RIMS1: variants seen among roughly 807,000 people sequenced by gnomAD.
RIMS1 encodes regulating synaptic membrane exocytosis protein 1.
In RIMS1, 83 loss-of-function variants were observed where a neutral mutation model predicts 214.1. The ratio of observed to expected loss-of-function variants is 0.39; its 90% CI spans 0.32 to 0.47. RIMS1 has a LOEUF of 0.47. Ranked by LOEUF, RIMS1 falls within the 20% of genes least tolerant of loss-of-function variation. RIMS1 has a pLI of 0.99. For missense variants in RIMS1, 2,050 were observed against 2,161.8 expected (o/e 0.95, Z 1.03); for synonymous variants, 793 against 786.8 (o/e 1.01, Z -0.13).
intron 4 of RIMS1, among the ~76,000 whole-genome samples, chr6:72,151,529 A>G (rs746524694): frequency 2.4e-4 from 37 of 152,192 alleles, no homozygotes; most frequent in Non-Finnish European, 4.0e-4. Context: ...AAAAACTTGC[A>G]GTCCTTATTT....
chr6:72,171,836 C>T (rs2047077242), intron 4 of RIMS1, among the ~76,000 whole-genome samples: 1 of 152,060 alleles, frequency 6.6e-6, no homozygotes, highest in South Asian at 2.1e-4. Flanking sequence ...TCTTGTTATA[C>T]CTCAAAATAG....
chr6:72,056,961 C>T (rs518173), intron 2 of RIMS1, among the ~76,000 whole-genome samples: 118,966 of 152,058 alleles, frequency 0.78, 47,333 homozygotes, highest in African/African-American at 0.94. Context: ...ATTACTTTTC[C>T]AACACAAAGT....
intron 29 of RIMS1, among the ~76,000 whole-genome samples, chr6:72,389,531 C>T (rs2098668480): frequency 6.6e-6 from 1 of 152,040 alleles, no homozygotes; most frequent in South Asian, 2.1e-4. Flanking sequence ...TGCAGTGTTT[C>T]AAATGGCTTA....
chr6:72,066,104 T>C (rs1829234652), intron 2 of RIMS1, among the ~76,000 whole-genome samples: 1 of 152,178 alleles, frequency 6.6e-6, no homozygotes, highest in Non-Finnish European at 1.5e-5. Flanking sequence ...AAACTAAGTA[T>C]GTGGACAACC....
chr6:72,029,435 G>C (rs1244796497), intron 2 of RIMS1, among the ~76,000 whole-genome samples: 1 of 151,968 alleles, frequency 6.6e-6, no homozygotes, highest in Non-Finnish European at 1.5e-5. Context: ...GAGGAATTAG[G>C]GCCATTACAA....
chr6:72,145,825 A>G (rs1232324958), intron 4 of RIMS1, among the ~76,000 whole-genome samples: 4 of 152,146 alleles, frequency 2.6e-5, no homozygotes, highest in African/African-American at 7.2e-5. Context: ...AGTTTCTCCA[A>G]TTGCATCCTG....
intron 1 of RIMS1, among the ~76,000 whole-genome samples, chr6:71,892,849 C>T (rs542623427): frequency 6.6e-6 from 1 of 152,124 alleles, no homozygotes; most frequent in South Asian, 2.1e-4. Context: ...TTTAAAACTG[C>T]CGTAGTCAGA....
rs199518906 is a variant in RIMS1, at chr6:71,984,784, T to C, written c.245+15721T>C. Among the ~76,000 whole-genome samples, 605 of 90,424 alleles carry C rather than the reference T, an allele frequency of 6.7e-3. 7 individuals carry two copies. The highest frequency in any genetic ancestry group is 0.028 in the Admixed American group (276 of 9,908). The allele number at this position is 90,424 out of a possible 152,430, so 59.3% of individuals were successfully genotyped here. A position where few individuals can be genotyped will look rare whatever the true frequency, so the allele number is the denominator to read the frequency against. On this transcript the variant is annotated intron_variant, in intron 2 of 33. Coordinates refer to ENST00000521978, the MANE Select transcript of RIMS1 (RefSeq NM_014989.7). ...ATGTATGTATGTACATATCTATCTA[T>C]CTATCTATCTATCTATCTATCTATC...
intron 22 of RIMS1, among the ~76,000 whole-genome samples, chr6:72,270,151 G>T (rs2154184209): frequency 6.6e-6 from 1 of 152,218 alleles, no homozygotes; most frequent in South Asian, 2.1e-4. Flanking sequence ...AGCCTTAAGG[G>T]AAAGGAAGTT....
At chr6:71,958,832 C>T (rs966652980) in intron 1 of RIMS1, among the ~76,000 whole-genome samples, 2 of 152,062 alleles carry the variant, frequency 1.3e-5, no homozygotes, top group African/African-American at 4.8e-5. Flanking sequence ...ATCCTGTTTG[C>T]TAGATTATCT....
At chr6:72,292,112 C>A in intron 26 of RIMS1, 66 bp downstream of exon 26, 1 of 948,644 alleles carries the variant, frequency 1.1e-6, no homozygotes, top group Non-Finnish European at 1.6e-6. Context: ...ATTTATACCC[C>A]TTTTATTAAA....
intron 6 of RIMS1, among the ~76,000 whole-genome samples, chr6:72,192,327 C>A (rs1002998698): frequency 3.3e-5 from 5 of 152,134 alleles, no homozygotes; most frequent in African/African-American, 1.2e-4. Context: ...GCACAGTTAC[C>A]CTGGTAAAAG....
intron 6 of RIMS1, among the ~76,000 whole-genome samples, chr6:72,215,503 C>T (rs2055505297): frequency 1.3e-5 from 2 of 152,162 alleles, no homozygotes; most frequent in South Asian, 4.1e-4. Flanking sequence ...TCATGGACTT[C>T]GGGCAATTTA....
intron 27 of RIMS1, among the ~76,000 whole-genome samples, chr6:72,310,773 A>G (rs1340584432): frequency 6.6e-6 from 1 of 152,252 alleles, no homozygotes; most frequent in East Asian, 1.9e-4. Context: ...GATGAAATTC[A>G]GTGATTAAAA....
intron 2 of RIMS1, among the ~76,000 whole-genome samples, chr6:71,977,596 A>G (rs996173169): frequency 5.9e-5 from 9 of 152,154 alleles, no homozygotes; most frequent in Non-Finnish European, 1.0e-4. Flanking sequence ...CTACACTGGG[A>G]AAACTATTTA....
chr6:72,269,835 T>C (rs907594142), intron 22 of RIMS1, among the ~76,000 whole-genome samples: 2 of 152,168 alleles, frequency 1.3e-5, no homozygotes, highest in Non-Finnish European at 2.9e-5. Flanking sequence ...ATTAAAATAT[T>C]CTTCTTCCTT....
intron 23 of RIMS1, among the ~76,000 whole-genome samples, chr6:72,283,139 A>G (rs1372557097): frequency 6.6e-6 from 1 of 152,122 alleles, no homozygotes; most frequent in Non-Finnish European, 1.5e-5. Flanking sequence ...ATCAGTAAAG[A>G]AAAATAAGCT....
At chr6:72,309,770 A>C (rs2154289844) in intron 27 of RIMS1, among the ~76,000 whole-genome samples, 1 of 152,180 alleles carries the variant, frequency 6.6e-6, no homozygotes, top group Non-Finnish European at 1.5e-5. Context: ...AAAACTTGTA[A>C]GAATATAGGA....
At chr6:72,268,901 C>G (rs1416309091) in intron 22 of RIMS1, among the ~76,000 whole-genome samples, 2 of 152,078 alleles carry the variant, frequency 1.3e-5, no homozygotes, top group Non-Finnish European at 2.9e-5. Context: ...TCATTTATAT[C>G]TTCCCATTTC....
Sources: allele counts gnomAD v4.1 joint callset (sites outside exome capture counted in the v4.1 genomes callset), GRCh38; gene constraint gnomAD v4.1.1; transcripts MANE v1.5; gene names NCBI Gene and HGNC (gene_info 2026-07-23, HGNC 2026-07-21).